Variants in UNK observed in about 807,000 individuals in gnomAD.
UNK encodes the protein unk zinc finger.
A neutral mutation model predicts 97.6 loss-of-function variants in UNK; 32 were observed. The observed-to-expected ratio is 0.33, with a 90% CI of 0.25 to 0.44. UNK has a LOEUF of 0.44. Among genes scored for constraint, UNK ranks in the 20% least tolerant of loss-of-function variants. The probability of loss-of-function intolerance (pLI) is 1.00; values close to 1 mark genes in which losing one functional copy is unlikely to be tolerated. For missense variants in UNK, 771 were observed against 1,098.4 expected (o/e 0.70, Z 4.21); for synonymous variants, 441 against 461.2 (o/e 0.96, Z 0.56).
rs770600232 is a variant in UNK at position 75,813,903 on chromosome 17, G to GT, written c.876+25_876+26insT. ...GGTGGGCCCCACAGCAGGGTGGGGGGGTGGCTTTGGGAAGTAAGGAGAGAG... is the reference window on the plus strand; with the variant it reads ...GGTGGGCCCCACAGCAGGGTGGGGGGTGTGGCTTTGGGAAGTAAGGAGAGAG... On this transcript the variant is annotated intron_variant, in intron 6 of 15. Coordinates refer to ENST00000589666, the MANE Select transcript of UNK (RefSeq NM_001080419.3). The GT allele has an allele frequency of 7.7e-5, 118 of 1,538,980 alleles. No individual in the cohort carries two copies. In the African/African-American group the frequency reaches 1.5e-3, roughly 20 times the overall value.
At chr17:75,799,774 A>G (rs1049853030) in intron 1 of UNK, among the ~76,000 whole-genome samples, 2 of 152,140 alleles carry the variant, frequency 1.3e-5, no homozygotes, top group African/African-American at 4.8e-5. Flanking sequence ...AGGGTGATCT[A>G]GACCCAGGGG....
intron 1 of UNK, among the ~76,000 whole-genome samples, chr17:75,803,272 A>G (rs1332584533): frequency 1.3e-5 from 2 of 151,380 alleles, no homozygotes; most frequent in Admixed American, 1.3e-4. Flanking sequence ...GCATTGTGGC[A>G]GGCACCTGTA....
At chr17:75,796,291 G>T (rs8081539) in intron 1 of UNK, among the ~76,000 whole-genome samples, 75,960 of 151,302 alleles carry the variant, frequency 0.5, 23,170 homozygotes, top group Admixed American at 0.65. Flanking sequence ...TAGCTGTGTA[G>T]TGTGTCAGAT....
chr17:75,815,056 C>T (rs1301891172), intron 6 of UNK, 113 bp from the exon 7 acceptor site: 16 of 913,736 alleles, frequency 1.8e-5, no homozygotes, highest in Middle Eastern at 2.3e-4. Context: ...GGGGAGGGGC[C>T]GGGAACACAG....
intron 1 of UNK, among the ~76,000 whole-genome samples, chr17:75,808,190 A>G (rs1308301505): frequency 6.6e-6 from 1 of 152,176 alleles, no homozygotes; most frequent in Admixed American, 6.5e-5. Flanking sequence ...AGTTTGAGGA[A>G]TGGGTATCCC....
intron 1 of UNK, among the ~76,000 whole-genome samples, chr17:75,801,322 ATTTG>A (rs1253946651): frequency 2.6e-5 from 4 of 152,140 alleles, no homozygotes; most frequent in African/African-American, 9.6e-5. Context: ...CATGTGGATT[ATTTG>A]TTAACACATT....
chr17:75,812,886 C>T (rs2061983245), intron 4 of UNK, among the ~76,000 whole-genome samples, 192 bp from the exon 5 acceptor site: 1 of 152,262 alleles, frequency 6.6e-6, no homozygotes, highest in African/African-American at 2.4e-5. Context: ...CTCTGATGGA[C>T]AGCATCTGTT....
chr17:75,809,462 A>G (rs2061948653), intron 1 of UNK, among the ~76,000 whole-genome samples: 2 of 152,222 alleles, frequency 1.3e-5, no homozygotes, highest in Non-Finnish European at 2.9e-5. Context: ...AACCTTGGAA[A>G]GGGCTCAGAG....
In UNK at chr17:75,818,267, A is replaced by C; in HGVS notation, c.1371+99A>C. ...GAGTGGGAGGCACCACTTTTCCCAA[A>C]AGCTGAGGGCAGGACTAAAGTGGGG... is the stretch of plus-strand genomic sequence containing the variant. On this transcript the variant is annotated intron_variant, in intron 10 of 15. Coordinates refer to ENST00000589666, the MANE Select transcript of UNK (RefSeq NM_001080419.3). This position sits in a 1 kb window ranked among gnomAD's most constrained non-coding sequence, Gnocchi z 5.1. The C allele has an allele frequency of 7.3e-7, 1 of 1,374,386 alleles. No individual in the cohort carries two copies. Among genetic ancestry groups the C allele is most frequent in the Non-Finnish European group, 1.0e-6 (1 of 990,094 alleles). The allele number at this position is 1,374,386 out of a possible 1,614,324, so 85.1% of individuals were successfully genotyped here.
At chr17:75,813,012 G>A in intron 4 of UNK, 66 bp from the exon 5 acceptor site, 1 of 1,509,270 alleles carries the variant, frequency 6.6e-7, no homozygotes, top group African/African-American at 1.4e-5. Flanking sequence ...CTCCACTCCA[G>A]TCCTGCTAGT....
chr17:75,819,300 T>G lies in UNK; in HGVS notation c.1547-384T>G, dbSNP rs2062044603. 1 of 269,228 alleles carries G rather than the reference T, an allele frequency of 3.7e-6. No homozygotes were observed. Among genetic ancestry groups the G allele is most frequent in the African/African-American group, 2.2e-5 (1 of 44,770 alleles). The allele number at this position is 269,228 out of a possible 1,614,324, so 16.7% of individuals were successfully genotyped here. On this transcript the variant is annotated intron_variant, in intron 11 of 15. Coordinates refer to ENST00000589666, the MANE Select transcript of UNK (RefSeq NM_001080419.3). This position sits in a 1 kb window ranked among gnomAD's most constrained non-coding sequence, Gnocchi z 5.4. ...AAACTTCCCACCCAGTGGACATTTG[T>G]CAAGCACCTGCTATACACCAGCCAC...
Position 75,789,206 on chromosome 17 carries a change from AGG to A in UNK, c.104+4223_104+4224del, listed in dbSNP as rs2061740570. On this transcript the variant is annotated intron_variant, in intron 1 of 15. Transcript: ENST00000589666. ...TGTAGCAGGCACTTGTGCTGGACTT[AGG>A]AATCCAGTCCTTTTAGAAAACAGTT... Among the ~76,000 whole-genome samples the A allele has an allele frequency of 2.0e-5, 3 of 152,148 alleles. No homozygotes were observed. In the East Asian group the frequency reaches 5.8e-4, roughly 29 times the overall value.
At chr17:75,806,231 G>A (rs372150594) in intron 1 of UNK, among the ~76,000 whole-genome samples, 4 of 152,008 alleles carry the variant, frequency 2.6e-5, no homozygotes, top group East Asian at 1.9e-4. Context: ...CGAGGCGGGC[G>A]GATCGCAAGT....
intron 1 of UNK, among the ~76,000 whole-genome samples, chr17:75,798,779 G>A (rs1460210714): frequency 6.6e-6 from 1 of 152,070 alleles, no homozygotes; most frequent in Admixed American, 6.5e-5. Context: ...ACTAAAGAGG[G>A]TTGCTTGCTG....
intron 1 of UNK, among the ~76,000 whole-genome samples, chr17:75,807,384 C>A (rs2143758646): frequency 6.6e-6 from 1 of 152,318 alleles, no homozygotes; most frequent in East Asian, 1.9e-4. Context: ...GGCAACATAA[C>A]AAGACCCTGT....
At chr17:75,788,978 A>C (rs566032090) in intron 1 of UNK, among the ~76,000 whole-genome samples, 2 of 152,348 alleles carry the variant, frequency 1.3e-5, no homozygotes, top group Admixed American at 1.3e-4. Flanking sequence ...AAAGCAAAAA[A>C]TTATGTTGCC....
At chr17:75,804,179 C>T (rs1328748723) in intron 1 of UNK, among the ~76,000 whole-genome samples, 4 of 152,172 alleles carry the variant, frequency 2.6e-5, no homozygotes, top group Admixed American at 6.6e-5. Flanking sequence ...ACTGGGTGGG[C>T]GTGGTGGCTT....
At chr17:75,792,235 T>G in intron 1 of UNK, 2 of 947,296 alleles carry the variant, frequency 2.1e-6, no homozygotes, top group Non-Finnish European at 2.5e-6. Context: ...ACTGGTCTAG[T>G]GATTATTTTC....
intron 1 of UNK, among the ~76,000 whole-genome samples, chr17:75,807,389 C>G (rs1007332752): frequency 6.6e-6 from 1 of 152,176 alleles, no homozygotes; most frequent in African/African-American, 2.4e-5. Flanking sequence ...CATAACAAGA[C>G]CCTGTCTCTT....
Sources: gnomAD v4.1 joint callset for allele counts (sites outside exome capture counted in the v4.1 genomes callset) on GRCh38, gnomAD v4.1.1 for gene constraint, Gnocchi (gnomAD v3.1) non-coding constraint, MANE v1.5 for transcripts, NCBI Gene and HGNC (gene_info 2026-07-23, HGNC 2026-07-21) for gene names.